Variants in NUP214 observed in about 807,000 individuals in gnomAD.
The protein encoded by NUP214 is nucleoporin 214.
A neutral mutation model predicts 196.2 loss-of-function variants in NUP214; 79 were observed. The ratio of observed to expected loss-of-function variants is 0.40; its 90% CI spans 0.34 to 0.49. The LOEUF (loss-of-function observed/expected upper bound fraction) is 0.49. NUP214 is among the 20% of genes least tolerant of loss of function. The pLI is 0.58. For synonymous variants in NUP214, 1,020 were observed against 990.5 expected (o/e 1.03, Z -0.56); for missense variants, 2,468 against 2,539.0 (o/e 0.97, Z 0.60).
intron 30 of NUP214, among the ~76,000 whole-genome samples, chr9:131,211,537 G>A (rs1246020940): frequency 1.3e-5 from 2 of 152,160 alleles, no homozygotes; most frequent in African/African-American, 2.4e-5. Context: ...CATCTGTTGC[G>A]GGAAGTCAGG....
At chr9:131,220,685 G>C (rs1041386937) in intron 31 of NUP214, among the ~76,000 whole-genome samples, 1 of 152,160 alleles carries the variant, frequency 6.6e-6, no homozygotes, top group Non-Finnish European at 1.5e-5. Context: ...AGTCACAATT[G>C]CTGTCCTGTT....
chr9:131,136,064 A>G (rs1254252844), intron 9 of NUP214, 58 bp downstream of exon 9: 2 of 1,378,732 alleles, frequency 1.5e-6, no homozygotes. Context: ...TTATTTTGAG[A>G]CAGTCTCGCT....
At chr9:131,147,645 A>G (rs1832123544) in intron 14 of NUP214, 61 bp downstream of exon 14, 3 of 1,184,138 alleles carry the variant, frequency 2.5e-6, no homozygotes, top group Non-Finnish European at 2.5e-6. Context: ...AAGCATACCT[A>G]TGAATAAAAT....
intron 30 of NUP214, among the ~76,000 whole-genome samples, chr9:131,204,798 A>G (rs1834034119): frequency 1.3e-5 from 2 of 152,254 alleles, no homozygotes; most frequent in Admixed American, 1.3e-4. Flanking sequence ...AAGCCCAACA[A>G]GTGCCAAACG....
At chr9:131,131,489 G>T (rs1831543649) in intron 5 of NUP214, among the ~76,000 whole-genome samples, 1 of 152,200 alleles carries the variant, frequency 6.6e-6, no homozygotes, top group Non-Finnish European at 1.5e-5. Context: ...CCTCAAGACT[G>T]TTCTCTGGCG....
At chr9:131,228,088 C>T in intron 32 of NUP214, 72 bp from the exon 33 acceptor site, 1 of 1,392,532 alleles carries the variant, frequency 7.2e-7, no homozygotes, top group Non-Finnish European at 9.5e-7. Flanking sequence ...TTTCTCATTG[C>T]TCAATGTCTT....
chr9:131,163,659 A>G (rs1832707130), intron 19 of NUP214, among the ~76,000 whole-genome samples: 1 of 152,178 alleles, frequency 6.6e-6, no homozygotes, highest in South Asian at 2.1e-4. Context: ...CTACTGAGGC[A>G]CCATCATGTT....
Position 131,162,544 on chromosome 9 carries a change from CCCT to C in NUP214, c.2541-446_2541-444del, listed in dbSNP as rs762854528. On this transcript the variant is annotated intron_variant, in intron 18 of 35. Transcript: ENST00000359428. ...CCTGATGCTAAATCTTATGCTGTCC[CCCT>C]ATTTCTTGACAATAGTCTGAAGAAT... Among the ~76,000 whole-genome samples, 15 of 152,268 alleles carry C rather than the reference CCCT, an allele frequency of 9.9e-5. No homozygotes were observed. The East Asian group carries it at 2.9e-3, about 29-fold the overall frequency.
intron 31 of NUP214, among the ~76,000 whole-genome samples, chr9:131,220,035 T>C (rs961996139): frequency 3.9e-5 from 6 of 152,096 alleles, no homozygotes; most frequent in African/African-American, 1.4e-4. Context: ...GCTAGTGTTT[T>C]TGCCAAATAA....
intron 4 of NUP214, among the ~76,000 whole-genome samples, chr9:131,130,137 G>GTTGTTTTTTTTTT (rs1831489668): frequency 1.3e-5 from 1 of 76,894 alleles, no homozygotes; most frequent in Non-Finnish European, 2.3e-5. Context: ...TTCTGGTTTT[G>GTTGTTTTTTTTTT]TTTTTTTTTT....
At chr9:131,227,025 C>G (rs1206892422) in intron 32 of NUP214, among the ~76,000 whole-genome samples, 1 of 152,234 alleles carries the variant, frequency 6.6e-6, no homozygotes, top group African/African-American at 2.4e-5. Context: ...CAACACTCAC[C>G]TTAAGAAGTA....
At chr9:131,219,194 C>A (rs1202029736) in intron 31 of NUP214, among the ~76,000 whole-genome samples, 1 of 152,190 alleles carries the variant, frequency 6.6e-6, no homozygotes, top group Non-Finnish European at 1.5e-5. Context: ...GTCCCCATTT[C>A]ACTGATAGGA....
chr9:131,137,879 T>G (rs1831786201), intron 9 of NUP214, among the ~76,000 whole-genome samples: 1 of 152,158 alleles, frequency 6.6e-6, no homozygotes, highest in Non-Finnish European at 1.5e-5. Flanking sequence ...TTCCACTTTG[T>G]GAGAGGAATG....
chr9:131,165,088 T>C (rs1832750342), intron 21 of NUP214: 1 of 152,178 alleles, frequency 6.6e-6, no homozygotes, highest in South Asian at 2.1e-4. Context: ...GAATACATTC[T>C]CTTGGTAGGT....
chr9:131,135,931 T>C lies in NUP214; in HGVS notation c.939-9T>C. 6.2e-7 allele frequency: 1 copy of C among 1,612,524 alleles called. No individual in the cohort carries two copies. The highest frequency in any genetic ancestry group is 8.5e-7 in the Non-Finnish European group (1 of 1,178,714). ...TTGAACGTAATGGTCTCTGGTTTTA[T>C]TCTTTAAGGGATTTAGTGCTGGCAG... On this transcript the variant is annotated splice_polypyrimidine_tract_variant and intron_variant, in intron 8 of 35. Coordinates refer to ENST00000359428, the MANE Select transcript of NUP214 (RefSeq NM_005085.4).
In NUP214 at chr9:131,174,295, C is replaced by T. The variant is rs557856032; in HGVS notation, c.3134C>T (p.Ser1045Leu). The change falls in exon 22 of 36, where the codon TCA becomes TTA. Residue 1045 changes from serine (S) to leucine (L), a missense_variant. Physicochemically the swap from Ser to Leu is moderately radical, Grantham distance 145. This residue lies in a region of NUP214 where 1,801 missense variants were observed against 1,779.4 expected (regional missense o/e 1.01). Transcript: ENST00000359428. ...FAKSHLVHGS[S>L]PGVMGTSVAT... The stretch of plus-strand genomic sequence containing the variant: ...AAATCTCACCTGGTTCATGGTTCTT[C>T]ACCTGGTGTGATGGGAACTTCAGGT... 1.2e-4 allele frequency: 194 copies of T among 1,613,314 alleles called. 1 individual carries two copies. In the South Asian group the frequency reaches 2.0e-3, roughly 16 times the overall value.
At chr9:131,222,293 T>C (rs973136294) in intron 31 of NUP214, among the ~76,000 whole-genome samples, 1 of 152,252 alleles carries the variant, frequency 6.6e-6, no homozygotes, top group African/African-American at 2.4e-5. Context: ...AGGTAAGTGC[T>C]AGAAGCCATT....
rs1473304168 is a variant in NUP214, at chr9:131,201,517, A to T, written c.5522-130A>T. 7.6e-6 allele frequency: 5 copies of T among 659,656 alleles called. No homozygotes were observed. In the East Asian group the frequency reaches 1.5e-4, roughly 19 times the overall value. The allele number at this position is 659,656 out of a possible 1,614,324, so 40.9% of individuals were successfully genotyped here. A position where few individuals can be genotyped will look rare whatever the true frequency, so the allele number is the denominator to read the frequency against. On this transcript the variant is annotated intron_variant, in intron 29 of 35. Coordinates refer to ENST00000359428, the MANE Select transcript of NUP214 (RefSeq NM_005085.4). ...GAGGCAGAGGTTGCAGTGAGCCAAG[A>T]TCCCACCATTGCACTCCAGCCTGGT...
chr9:131,174,522 C>T (rs561237939), intron 22 of NUP214, among the ~76,000 whole-genome samples: 1 of 134,866 alleles, frequency 7.4e-6, no homozygotes, highest in East Asian at 2.3e-4. Context: ...GATCTAGGCT[C>T]ACTGCAACAT....
Sources: gnomAD v4.1 joint callset for allele counts (sites outside exome capture counted in the v4.1 genomes callset) on GRCh38, gnomAD v4.1.1 for gene constraint, gnomAD v4.1.1 regional missense constraint, MANE v1.5 for transcripts, NCBI Gene and HGNC (gene_info 2026-07-23, HGNC 2026-07-21) for gene names.